PFDN2: variants seen among roughly 807,000 people sequenced by gnomAD.
PFDN2 encodes prefoldin subunit 2.
PFDN2 carries 7 observed loss-of-function variants against 18.3 expected under a neutral mutation model. The observed-to-expected ratio is 0.38, with a 90% confidence interval of 0.22 to 0.72. The LOEUF (loss-of-function observed/expected upper bound fraction) is 0.72, where lower values mean the gene tolerates loss of function less well. Ranked by LOEUF, PFDN2 falls within the 30% of genes least tolerant of loss-of-function variation. PFDN2 has a pLI of 0.47. For synonymous variants in PFDN2, 76 were observed against 75.0 expected (o/e 1.01, Z -0.07); for missense variants, 181 against 199.1 (o/e 0.91, Z 0.55).
chr1:161,113,290 A>G lies in PFDN2; in HGVS notation c.75+4662T>C, dbSNP rs137858771. Among the ~76,000 whole-genome samples the G allele has an allele frequency of 1.4e-3, 220 of 152,276 alleles. 2 individuals are homozygous for G. The highest frequency in any genetic ancestry group is 9.9e-3 in the Admixed American group (151 of 15,278). ...CCTGTTCAAATCCATCCACTCCTTC[A>G]GGGTTCTGCTCAAATACCTCTAACA... On this transcript the variant is annotated intron_variant, in intron 1 of 3. Transcript: ENST00000368010.
At chr1:161,107,981 GGCGT>G in intron 1 of PFDN2, among the ~76,000 whole-genome samples, 1 of 151,308 alleles carries the variant, frequency 6.6e-6, no homozygotes, top group South Asian at 2.1e-4. Context: ...TGGATGTGGT[GGCGT>G]GTGCCTGTAG....
chr1:161,111,791 A>G (rs1654814663), intron 1 of PFDN2, among the ~76,000 whole-genome samples: 1 of 152,084 alleles, frequency 6.6e-6, no homozygotes, highest in South Asian at 2.1e-4. Flanking sequence ...TATTCATAGC[A>G]CTTCTTCATT....
At chr1:161,113,435 C>T (rs1405207335) in intron 1 of PFDN2, among the ~76,000 whole-genome samples, 1 of 152,232 alleles carries the variant, frequency 6.6e-6, no homozygotes, top group African/African-American at 2.4e-5. Context: ...AATGTCCTCA[C>T]CTATAAATGG....
chr1:161,102,402 G>A (rs1330731603), intron 1 of PFDN2, 27 bp from the exon 2 acceptor site: 1 of 1,581,136 alleles, frequency 6.3e-7, no homozygotes, highest in Non-Finnish European at 8.7e-7. Context: ...AGAGATGAAA[G>A]AGGGGATAGT....
At chr1:161,111,259 A>G in intron 1 of PFDN2, among the ~76,000 whole-genome samples, 1 of 152,208 alleles carries the variant, frequency 6.6e-6, no homozygotes, top group South Asian at 2.1e-4. Context: ...AAGTGGAAAG[A>G]ACCCAAACTT....
At position 161,105,755 on chromosome 1, in the gene PFDN2, G is replaced by A. The variant is rs574583498; in HGVS notation, c.76-3380C>T. ...ATTACAGGCGTGAGCCACTGCACCCGCCTGAGATTTTTTTTTAATTCCAAC... is the reference window on the plus strand; with the variant it reads ...ATTACAGGCGTGAGCCACTGCACCCACCTGAGATTTTTTTTTAATTCCAAC... On this transcript the variant is annotated intron_variant, in intron 1 of 3. Coordinates refer to ENST00000368010, the MANE Select transcript of PFDN2 (RefSeq NM_012394.4). 1.2e-4 allele frequency among the ~76,000 whole-genome samples: 19 copies of A among 152,226 alleles called. No individual in the cohort carries two copies. The East Asian group carries it at 3.1e-3, about 25-fold the overall frequency.
Position 161,102,126 on chromosome 1 carries a change from G to A in PFDN2, c.210C>T (p.Cys70=). 1 of 1,614,146 alleles carries A rather than the reference G, an allele frequency of 6.2e-7. No individual in the cohort carries two copies. The highest frequency in any genetic ancestry group is 1.1e-5 in the South Asian group (1 of 91,088). ...CCAGCACTCCTCCAACCATGCGGTA[G>A]CACTTACGAGTTTCATCTACCTCCT... ...TLKEVDETRK[C]YRMVGGVLVE... The change falls in exon 3 of 4, where the codon TGC becomes TGT. Residue 70 remains cysteine (C), a synonymous_variant. Coordinates refer to ENST00000368010, the MANE Select transcript of PFDN2 (RefSeq NM_012394.4).
At chr1:161,108,119 A>C (rs1654722980) in intron 1 of PFDN2, among the ~76,000 whole-genome samples, 1 of 149,976 alleles carries the variant, frequency 6.7e-6, no homozygotes, top group Non-Finnish European at 1.5e-5. Context: ...TGTCTCAAAA[A>C]AAAAAACAAA....
Position 161,107,464 on chromosome 1 carries a change from C to G in PFDN2, c.76-5089G>C, listed in dbSNP as rs567321256. Among the ~76,000 whole-genome samples the G allele has an allele frequency of 4.6e-4, 69 of 149,416 alleles. No homozygotes were observed. The South Asian group carries it at 0.014, about 30-fold the overall frequency. ...AAAAAAAAGCTTAACTAATCCTCTG[C>G]GTTAGAACATTTAGGTTGTTTCCAA... On this transcript the variant is annotated intron_variant, in intron 1 of 3. Coordinates refer to ENST00000368010, the MANE Select transcript of PFDN2 (RefSeq NM_012394.4).
At chr1:161,110,204 AC>A (rs1654776700) in intron 1 of PFDN2, among the ~76,000 whole-genome samples, 1 of 151,640 alleles carries the variant, frequency 6.6e-6, no homozygotes, top group Non-Finnish European at 1.5e-5. Flanking sequence ...TACTAAAAAT[AC>A]AAAAAATTAG....
At chr1:161,104,069 C>T (rs1654632343) in intron 1 of PFDN2, among the ~76,000 whole-genome samples, 1 of 152,234 alleles carries the variant, frequency 6.6e-6, no homozygotes, top group Admixed American at 6.5e-5. Flanking sequence ...AGATCTCCCA[C>T]ATAATTCTAA....
chr1:161,106,846 C>A (rs1043795541), intron 1 of PFDN2, among the ~76,000 whole-genome samples: 8 of 152,094 alleles, frequency 5.3e-5, no homozygotes, highest in Admixed American at 4.6e-4. Context: ...CACTCTGTTC[C>A]CTAGGCTGGG....
At chr1:161,105,476 TGA>T (rs1654659503) in intron 1 of PFDN2, among the ~76,000 whole-genome samples, 1 of 151,962 alleles carries the variant, frequency 6.6e-6, no homozygotes, top group African/African-American at 2.4e-5. Context: ...TTTTTTTTTC[TGA>T]GAGGAGTCTT....
At chr1:161,108,847 A>T (rs1654742597) in intron 1 of PFDN2, among the ~76,000 whole-genome samples, 1 of 152,152 alleles carries the variant, frequency 6.6e-6, no homozygotes, top group South Asian at 2.1e-4. Flanking sequence ...TAGAGTTGGA[A>T]TGTAACTCCA....
At chr1:161,106,829 G>A (rs1385060124) in intron 1 of PFDN2, among the ~76,000 whole-genome samples, 1 of 151,868 alleles carries the variant, frequency 6.6e-6, no homozygotes, top group African/African-American at 2.4e-5. Flanking sequence ...TTGTAGTGAT[G>A]GGGTCTCACT....
intron 1 of PFDN2, among the ~76,000 whole-genome samples, chr1:161,103,775 A>C (rs1024475270): frequency 2.0e-5 from 3 of 151,302 alleles, no homozygotes; most frequent in African/African-American, 2.4e-5. Flanking sequence ...GAATTGATAC[A>C]GGCTTCCTGA....
chr1:161,117,620 T>C (rs922434607), intron 1 of PFDN2, among the ~76,000 whole-genome samples: 4 of 152,186 alleles, frequency 2.6e-5, no homozygotes, highest in South Asian at 2.1e-4. Flanking sequence ...TCGAGCTGTC[T>C]TGCCCAGCCA....
At chr1:161,114,352 ACCC>A (rs1190094025) in intron 1 of PFDN2, among the ~76,000 whole-genome samples, 3 of 152,050 alleles carry the variant, frequency 2.0e-5, no homozygotes, top group African/African-American at 7.2e-5. Flanking sequence ...TTCCTCTTTT[ACCC>A]CCTTTTCTCC....
chr1:161,113,057 TTTTCC>T (rs1414250992), intron 1 of PFDN2, among the ~76,000 whole-genome samples: 3 of 152,166 alleles, frequency 2.0e-5, no homozygotes, highest in African/African-American at 7.2e-5. Context: ...GGTTTGAACT[TTTTCC>T]TTTGTTTTCT....
Sources: allele counts gnomAD v4.1 joint callset (sites outside exome capture counted in the v4.1 genomes callset), GRCh38; gene constraint gnomAD v4.1.1; transcripts MANE v1.5; gene names NCBI Gene and HGNC (gene_info 2026-07-23, HGNC 2026-07-21).